MIA2: variants seen among roughly 807,000 people sequenced by gnomAD.
MIA2 encodes MIA SH3 domain ER export factor 2.
In MIA2, 127 loss-of-function variants were observed where a neutral mutation model predicts 167.8. That is an observed-to-expected ratio of 0.76 (90% CI 0.66 to 0.88). The LOEUF (loss-of-function observed/expected upper bound fraction) is 0.88. MIA2 is among the 40% of genes least tolerant of loss of function. MIA2 has a pLI of 0.00. For synonymous variants in MIA2, 552 were observed against 541.9 expected (o/e 1.02, Z -0.26); for missense variants, 1,690 against 1,624.7 (o/e 1.04, Z -0.69).
chr14:39,354,782 T>C (rs1209407546), downstream of MIA2, among the ~76,000 whole-genome samples: 1 of 152,238 alleles, frequency 6.6e-6, no homozygotes, highest in African/African-American at 2.4e-5. Flanking sequence ...TACATATGGC[T>C]AGCCAGTTTT....
intron 25 of MIA2, among the ~76,000 whole-genome samples, chr14:39,332,921 T>C (rs1156839622): frequency 6.6e-6 from 1 of 152,184 alleles, no homozygotes; most frequent in Non-Finnish European, 1.5e-5. Context: ...GTTTACTGAC[T>C]CTTTCCTTGT....
chr14:39,379,667 C>G (rs1567061293), intron 23 of MIA2, among the ~76,000 whole-genome samples: 1 of 152,058 alleles, frequency 6.6e-6, no homozygotes, highest in Non-Finnish European at 1.5e-5. Context: ...GTCTGGCCAA[C>G]ATGGCAAAAC....
intron 23 of MIA2, among the ~76,000 whole-genome samples, chr14:39,357,787 T>G (rs62000711): frequency 0.071 from 10,876 of 152,186 alleles, 481 homozygotes; most frequent in South Asian, 0.17. Flanking sequence ...GTCTGTAAAG[T>G]ATTTTATTTC....
chr14:39,308,713 TATTTTTA>T, intron 18 of MIA2, 126 bp downstream of exon 18: 1 of 809,444 alleles, frequency 1.2e-6, no homozygotes, highest in South Asian at 2.3e-5. Context: ...TTCATCAACT[TATTTTTA>T]AGAAAGGTAT....
chr14:39,259,528 T>C (rs2054981176), intron 6 of MIA2, among the ~76,000 whole-genome samples: 1 of 151,848 alleles, frequency 6.6e-6, no homozygotes, highest in Non-Finnish European at 1.5e-5. Flanking sequence ...TCTCTCTCTT[T>C]CTCTTTTTTT....
intron 6 of MIA2, among the ~76,000 whole-genome samples, chr14:39,274,525 A>G (rs2057653841): frequency 6.8e-6 from 1 of 148,064 alleles, no homozygotes; most frequent in Non-Finnish European, 1.5e-5. Flanking sequence ...TCCCGGGTTC[A>G]GGCAATTCTT....
chr14:39,272,717 C>A (rs142374865), intron 6 of MIA2, among the ~76,000 whole-genome samples: 2 of 151,874 alleles, frequency 1.3e-5, no homozygotes, highest in Non-Finnish European at 2.9e-5. Flanking sequence ...GAGCCAAGAT[C>A]GCACCACTGC....
At position 39,293,368 on chromosome 14, in the gene MIA2, A is replaced by G; in HGVS notation, c.2306A>G (p.Glu769Gly). The change falls in exon 11 of 29, where the codon GAA becomes GGA. Residue 769 changes from glutamate (E) to glycine (G), a missense_variant. Physicochemically the swap from Glu to Gly is moderately conservative, Grantham distance 98. Transcript: ENST00000640607. ...AAAGAAGAGAAATCCAAACATTCTG[A>G]ACAAGATGAATTGGTAAGGCTTTTT... Reference protein sequence around the residue: ...ELKEEKSKHSEQDELMADISK... With the variant: ...ELKEEKSKHSGQDELMADISK... The G allele has an allele frequency of 6.3e-7, 1 of 1,584,506 alleles. No individual in the cohort carries two copies. The highest frequency in any genetic ancestry group is 8.6e-7 in the Non-Finnish European group (1 of 1,157,540).
chr14:39,287,538 TC>T (rs2059991274), intron 9 of MIA2, among the ~76,000 whole-genome samples: 1 of 151,728 alleles, frequency 6.6e-6, no homozygotes, highest in Non-Finnish European at 1.5e-5. Context: ...TTATTTTTTT[TC>T]ATTATTTTAA....
chr14:39,329,204 A>G (rs968147665), intron 25 of MIA2, among the ~76,000 whole-genome samples: 1 of 152,048 alleles, frequency 6.6e-6, no homozygotes, highest in African/African-American at 2.4e-5. Context: ...TTGTATTCCT[A>G]GATATTTTAT....
chr14:39,325,338 G>C (rs1334542408), intron 24 of MIA2, among the ~76,000 whole-genome samples: 5 of 151,454 alleles, frequency 3.3e-5, no homozygotes, highest in Non-Finnish European at 5.9e-5. Context: ...AGATAAATGA[G>C]GTATTAATAT....
chr14:39,336,757 T>C (rs529625424), intron 25 of MIA2, among the ~76,000 whole-genome samples: 2 of 152,242 alleles, frequency 1.3e-5, no homozygotes, highest in South Asian at 4.2e-4. Flanking sequence ...TATTAAAAAA[T>C]TTTTTTAGAG....
rs530889734 is a variant in MIA2, at chr14:39,256,586, A to T, written c.1887+3415A>T. Among the ~76,000 whole-genome samples the T allele has an allele frequency of 4.2e-4, 63 of 151,434 alleles. 1 individual carries two copies. Among genetic ancestry groups the T allele is most frequent in the Middle Eastern group, 6.8e-3 (2 of 294 alleles). Reference sequence around the variant, plus strand: ...GGAAAATTAAAGGAGGCAGCTTTTTAAAAAAAAATAACAAAGAAATTATGA... The same window carrying T: ...GGAAAATTAAAGGAGGCAGCTTTTTTAAAAAAAATAACAAAGAAATTATGA... On this transcript the variant is annotated intron_variant, in intron 6 of 28. Coordinates refer to ENST00000640607, the MANE Select transcript of MIA2 (RefSeq NM_001329214.4).
chr14:39,234,547 TA>T (rs1180777363), intron 1 of MIA2, among the ~76,000 whole-genome samples: 24 of 147,330 alleles, frequency 1.6e-4, no homozygotes, highest in East Asian at 3.9e-4. Flanking sequence ...GGCTGCCCAT[TA>T]AAAAAAAAAG....
In MIA2 at chr14:39,350,478, G is replaced by C; in HGVS notation, c.*214G>C. 1 of 406,556 alleles carries C rather than the reference G, an allele frequency of 2.5e-6. No homozygotes were observed. The highest frequency in any genetic ancestry group is 4.4e-6 in the Non-Finnish European group (1 of 228,846). The allele number at this position is 406,556 out of a possible 1,614,324, so 25.2% of individuals were successfully genotyped here. On this transcript the variant is annotated 3_prime_UTR_variant, in exon 29 of 29. Transcript: ENST00000640607. ...TTAGACGGTATAACTATTTCAATTT[G>C]ATTAATCCACTATTATATAAACAAT...
intron 6 of MIA2, among the ~76,000 whole-genome samples, chr14:39,258,059 G>C (rs2054902873): frequency 6.6e-6 from 1 of 152,060 alleles, no homozygotes; most frequent in African/African-American, 2.4e-5. Flanking sequence ...ATGATTATGT[G>C]TCTTGGGGTT....
downstream of MIA2, among the ~76,000 whole-genome samples, chr14:39,353,899 A>AT (rs1381706491): frequency 5.3e-5 from 8 of 152,208 alleles, no homozygotes; most frequent in African/African-American, 1.7e-4. Context: ...TGAACTCATG[A>AT]TTTTTTATGG....
intron 23 of MIA2, among the ~76,000 whole-genome samples, chr14:39,382,763 G>A (rs1177070889): frequency 6.6e-6 from 1 of 152,076 alleles, no homozygotes; most frequent in African/African-American, 2.4e-5. Context: ...TTTCCTTTAG[G>A]ATAGTGAATT....
intron 9 of MIA2, among the ~76,000 whole-genome samples, chr14:39,281,803 G>T (rs1457342118): frequency 2.0e-5 from 3 of 151,760 alleles, no homozygotes; most frequent in East Asian, 3.9e-4. Context: ...TTGTATTTTA[G>T]TAGGGATGGG....
Sources: allele counts gnomAD v4.1 joint callset (sites outside exome capture counted in the v4.1 genomes callset), GRCh38; gene constraint gnomAD v4.1.1; transcripts MANE v1.5; gene names NCBI Gene and HGNC (gene_info 2026-07-23, HGNC 2026-07-21).